ANO2: variants seen among roughly 807,000 people sequenced by gnomAD.
ANO2 encodes the protein anoctamin-2.
ANO2 carries 101 observed loss-of-function variants against 124.2 expected under a neutral mutation model. The observed-to-expected ratio is 0.81, with a 90% CI of 0.69 to 0.96. ANO2 has a LOEUF of 0.96. Among genes scored for constraint, ANO2 ranks in the 40% least tolerant of loss-of-function variants. The probability of loss-of-function intolerance (pLI) is 0.00; values close to 1 mark genes in which losing one functional copy is unlikely to be tolerated. For synonymous variants in ANO2, 486 were observed against 482.5 expected, an observed-to-expected ratio of 1.01 and a Z score of -0.09; for missense variants, 1,293 against 1,274.5, an observed-to-expected ratio of 1.01 and a Z score of -0.22.
At chr12:5,820,931 T>G (rs760217136) in intron 7 of ANO2, among the ~76,000 whole-genome samples, 3 of 152,284 alleles carry the variant, frequency 2.0e-5, no homozygotes, top group Non-Finnish European at 4.4e-5. Flanking sequence ...CCTCCATTCC[T>G]GTCCATTAGG....
At chr12:5,926,563 G>A (rs78937229) in intron 1 of ANO2, among the ~76,000 whole-genome samples, 53 of 151,720 alleles carry the variant, frequency 3.5e-4, no homozygotes, top group African/African-American at 1.2e-3. Flanking sequence ...CATTCTTCCC[G>A]CTGCCTGGAC....
chr12:5,869,760 G>T (rs1235588035), intron 3 of ANO2, among the ~76,000 whole-genome samples: 1 of 152,182 alleles, frequency 6.6e-6, no homozygotes, highest in Non-Finnish European at 1.5e-5. Context: ...ACATAGCCAT[G>T]GTGCTGAGAG....
intron 3 of ANO2, among the ~76,000 whole-genome samples, chr12:5,912,951 T>C (rs2136293847): frequency 6.6e-6 from 1 of 152,338 alleles, no homozygotes; most frequent in East Asian, 1.9e-4. Context: ...TCCCTGCGTT[T>C]GCTATATCCT....
At chr12:5,750,599 T>A (rs1003797236) in intron 11 of ANO2, among the ~76,000 whole-genome samples, 31 of 152,320 alleles carry the variant, frequency 2.0e-4, no homozygotes, top group African/African-American at 6.3e-4. Flanking sequence ...CCCCCTGCCC[T>A]GGAGAAGAGC....
intron 7 of ANO2, among the ~76,000 whole-genome samples, chr12:5,819,598 A>C (rs546042829): frequency 6.6e-6 from 1 of 152,206 alleles, no homozygotes; most frequent in Non-Finnish European, 1.5e-5. Context: ...AAGAGATCCA[A>C]AGGGTTAGGG....
In ANO2 at chr12:5,769,652, A is replaced by G. The variant is rs1417359251; in HGVS notation, c.1056-18682T>C. On this transcript the variant is annotated intron_variant, in intron 10 of 24. Coordinates refer to ENST00000682330, the MANE Select transcript of ANO2 (RefSeq NM_001364791.2). The surrounding 1 kb of genome is among the most constrained non-coding windows in gnomAD (Gnocchi z 4.0). ...ATCCGTGGGTGGTGGATGGACCTCC[A>G]TTAACAGCCACACCTCCCCATCCAG... 1.3e-5 allele frequency among the ~76,000 whole-genome samples: 2 copies of G among 152,158 alleles called. No individual in the cohort carries two copies. Among genetic ancestry groups the G allele is most frequent in the East Asian group, 3.8e-4 (2 of 5,196 alleles).
intron 10 of ANO2, among the ~76,000 whole-genome samples, chr12:5,792,246 G>A (rs1477039588): frequency 6.6e-6 from 1 of 152,134 alleles, no homozygotes; most frequent in African/African-American, 2.4e-5. Context: ...GAATGTCCCC[G>A]GGCAGGTGCG....
At chr12:5,783,256 G>A (rs1340664106) in intron 10 of ANO2, among the ~76,000 whole-genome samples, 1 of 152,154 alleles carries the variant, frequency 6.6e-6, no homozygotes, top group African/African-American at 2.4e-5. Context: ...TTGGCTCAGG[G>A]TTTCATCTTG....
At chr12:5,607,464 A>T (rs1944277962) in intron 19 of ANO2, among the ~76,000 whole-genome samples, 1 of 151,922 alleles carries the variant, frequency 6.6e-6, no homozygotes, top group Admixed American at 6.6e-5. Context: ...TTCTAGAATA[A>T]CTTTGCCAAG....
At chr12:5,686,471 G>A (rs373601166) in intron 14 of ANO2, among the ~76,000 whole-genome samples, 1 of 152,214 alleles carries the variant, frequency 6.6e-6, no homozygotes, top group Admixed American at 6.5e-5. Context: ...CTCCCTCAAT[G>A]AGGGGAAACA....
intron 10 of ANO2, among the ~76,000 whole-genome samples, chr12:5,763,223 C>T (rs1456720177): frequency 6.6e-6 from 1 of 151,932 alleles, no homozygotes; most frequent in Non-Finnish European, 1.5e-5. Context: ...TTATTTAATA[C>T]GTTAAATTAC....
chr12:5,822,193 T>C lies in ANO2; in HGVS notation c.892+5576A>G, dbSNP rs528056231. On this transcript the variant is annotated intron_variant, in intron 7 of 24. Coordinates refer to ENST00000682330, the MANE Select transcript of ANO2 (RefSeq NM_001364791.2). ...GGAGAAATGGCCAGATGTGCAATTA[T>C]ATACTGATTCACGGGCTGTAGCCAA... 3.3e-5 allele frequency among the ~76,000 whole-genome samples: 5 copies of C among 152,324 alleles called. No individual in the cohort carries two copies. In the East Asian group the frequency reaches 9.7e-4, roughly 30 times the overall value.
chr12:5,689,479 T>C (rs925868920), intron 14 of ANO2, among the ~76,000 whole-genome samples: 1 of 152,162 alleles, frequency 6.6e-6, no homozygotes, highest in Non-Finnish European at 1.5e-5. Flanking sequence ...AATGTGGGCC[T>C]GGCCTCTCAG....
intron 14 of ANO2, among the ~76,000 whole-genome samples, chr12:5,659,922 T>C (rs930968592): frequency 3.3e-5 from 5 of 152,282 alleles, no homozygotes; most frequent in African/African-American, 2.4e-5. Flanking sequence ...TATTTTGTGA[T>C]AGTGGTACAA....
At chr12:5,817,362 T>A (rs1488014310) in intron 7 of ANO2, among the ~76,000 whole-genome samples, 1 of 152,184 alleles carries the variant, frequency 6.6e-6, no homozygotes, top group East Asian at 1.9e-4. Flanking sequence ...GGCTGGGCAT[T>A]TTTAAATTAA....
chr12:5,756,249 G>A (rs1951576783), intron 10 of ANO2, among the ~76,000 whole-genome samples: 1 of 151,890 alleles, frequency 6.6e-6, no homozygotes, highest in African/African-American at 2.4e-5. Flanking sequence ...TTCTGATTTT[G>A]TTGACATGTT....
chr12:5,665,034 C>T (rs970646775), intron 14 of ANO2, among the ~76,000 whole-genome samples: 1 of 151,922 alleles, frequency 6.6e-6, no homozygotes, highest in Non-Finnish European at 1.5e-5. Flanking sequence ...TTTCTTCAGG[C>T]AGCAAATAGT....
chr12:5,909,742 AG>A lies in ANO2; in HGVS notation c.534+11297del, dbSNP rs1483696868. Reference sequence around the variant, plus strand: ...GACTCTTCAGGAGCCCTCTCTGGGCAGTGCGTGCCCAGAGAGCAGGCGGTGG... The same window carrying A: ...GACTCTTCAGGAGCCCTCTCTGGGCATGCGTGCCCAGAGAGCAGGCGGTGG... On this transcript the variant is annotated intron_variant, in intron 3 of 24. Coordinates refer to ENST00000682330, the MANE Select transcript of ANO2 (RefSeq NM_001364791.2). Among the ~76,000 whole-genome samples, 576 of 152,272 alleles carry A rather than the reference AG, an allele frequency of 3.8e-3. 4 individuals carry two copies. The highest frequency in any genetic ancestry group is 0.013 in the African/African-American group (547 of 41,558).
intron 1 of ANO2, among the ~76,000 whole-genome samples, chr12:5,933,201 T>C (rs1337043116): frequency 6.6e-6 from 1 of 152,122 alleles, no homozygotes; most frequent in Non-Finnish European, 1.5e-5. Flanking sequence ...CCCACTGTCA[T>C]CTCCTGCTAG....
Sources: gnomAD v4.1 joint callset for allele counts (sites outside exome capture counted in the v4.1 genomes callset) on GRCh38, gnomAD v4.1.1 for gene constraint, Gnocchi (gnomAD v3.1) non-coding constraint, MANE v1.5 for transcripts, NCBI Gene and HGNC (gene_info 2026-07-23, HGNC 2026-07-21) for gene names.